MAP1S: variants seen among roughly 807,000 people sequenced by gnomAD.
MAP1S encodes the protein microtubule-associated protein 1S.
MAP1S carries 27 observed loss-of-function variants against 60.9 expected under a neutral mutation model. The ratio of observed to expected loss-of-function variants is 0.44; its 90% confidence interval spans 0.33 to 0.61. The LOEUF (loss-of-function observed/expected upper bound fraction) is 0.61. Ranked by LOEUF, MAP1S falls within the 20% of genes least tolerant of loss-of-function variation. The pLI is 0.03. For missense variants in MAP1S, 1,608 were observed against 1,486.6 expected, an observed-to-expected ratio of 1.08 and a Z score of -1.34; for synonymous variants, 826 against 694.2, an observed-to-expected ratio of 1.19 and a Z score of -2.98.
chr19:17,726,715 G>A lies in MAP1S; in HGVS notation c.1331G>A (p.Gly444Asp), dbSNP rs1261059561. ...GCTPPACLLD[G>D]LVRLQHLRFL... is the part of the protein sequence containing the mutation. ...ACCCCGCCCGCCTGCCTCCTGGACGGCCTGGTCCGCCTGCAGCACTTGAGG... is the reference window on the plus strand; with the variant it reads ...ACCCCGCCCGCCTGCCTCCTGGACGACCTGGTCCGCCTGCAGCACTTGAGG... Residue 444 changes from glycine to aspartate, a missense_variant, in exon 5 of 7, where the codon GGC becomes GAC. Gly to Asp is a moderately conservative substitution (Grantham distance 94, BLOSUM62 -1). Around this residue, in one of 4 missense-constraint regions of MAP1S, gnomAD observed 1,167 missense variants for 961.4 expected, o/e 1.21. Coordinates refer to ENST00000324096, the MANE Select transcript of MAP1S (RefSeq NM_018174.6). 1 of 1,590,426 alleles carries A rather than the reference G, an allele frequency of 6.3e-7. No homozygotes were observed. Among genetic ancestry groups the A allele is most frequent in the Non-Finnish European group, 8.5e-7 (1 of 1,172,120 alleles).
At chr19:17,732,501 C>A (rs2080501488) in intron 5 of MAP1S, among the ~76,000 whole-genome samples, 1 of 152,094 alleles carries the variant, frequency 6.6e-6, no homozygotes, top group Admixed American at 6.6e-5. Flanking sequence ...TGGACAAGGC[C>A]CCCAGAGCTG....
rs996809807 is a variant in MAP1S, at chr19:17,720,890, T to C, written c.119-46T>C. On this transcript the variant is annotated intron_variant, in intron 1 of 6. Coordinates refer to ENST00000324096, the MANE Select transcript of MAP1S (RefSeq NM_018174.6). ...CTAATTATTGAAATATTCTGGGAGC[T>C]GGGGGGCCCGGCTGAACTCCCGCCT... 10 of 1,445,394 alleles carry C rather than the reference T, an allele frequency of 6.9e-6. No homozygotes were observed. The African/African-American group carries it at 1.4e-4, about 20-fold the overall frequency. 89.5% of individuals were successfully genotyped at this position (1,445,394 alleles called of 1,614,324 possible).
At chr19:17,728,437 T>C (rs1458292501) in intron 5 of MAP1S, among the ~76,000 whole-genome samples, 2 of 152,242 alleles carry the variant, frequency 1.3e-5, no homozygotes, top group East Asian at 3.9e-4. Flanking sequence ...TTGGTAGAGA[T>C]AGGGTCTTAC....
Position 17,727,566 on chromosome 19 carries a change from C to G in MAP1S, c.2182C>G (p.Arg728Gly). The stretch of plus-strand genomic sequence containing the variant: ...CCCGCTGCGTGGCCCCCGGGCGCGG[C>G]GCTCGGCTTCCCCACACGATGTGGA... ...SLPLRGPRARRSASPHDVDLC... is the reference protein window; with the variant it reads ...SLPLRGPRARGSASPHDVDLC... Residue 728 changes from arginine (R) to glycine (G), a missense_variant, in exon 5 of 7, where the codon CGC (arginine) becomes GGC (glycine). Physicochemically the swap from Arg to Gly is moderately radical, Grantham distance 125 (BLOSUM62 -2). Transcript: ENST00000324096. This position sits in a 1 kb window ranked among gnomAD's most constrained non-coding sequence, Gnocchi z 4.1. 1 of 1,607,224 alleles carries G rather than the reference C, an allele frequency of 6.2e-7. No individual in the cohort carries two copies. Among genetic ancestry groups the G allele is most frequent in the Non-Finnish European group, 8.5e-7 (1 of 1,179,386 alleles).
At chr19:17,720,227 C>T in intron 1 of MAP1S, 3 of 1,380,874 alleles carry the variant, frequency 2.2e-6, no homozygotes, top group Non-Finnish European at 2.8e-6. Flanking sequence ...GTGATGCGCC[C>T]GTGGGTGGAG....
chr19:17,720,610 T>C, intron 1 of MAP1S: 1 of 1,142,970 alleles, frequency 8.7e-7, no homozygotes, highest in African/African-American at 1.6e-5. Context: ...GGCAGGGGGA[T>C]GGACTTCCAG....
intron 5 of MAP1S, among the ~76,000 whole-genome samples, chr19:17,729,261 C>T (rs2080472051): frequency 6.6e-6 from 1 of 152,112 alleles, no homozygotes; most frequent in South Asian, 2.1e-4. Flanking sequence ...CATGGAAGCT[C>T]ATTAGACACA....
Position 17,726,581 on chromosome 19 carries a change from C to A in MAP1S, c.1197C>A (p.His399Gln). ...GCCGGCTGGACATGTATGTGCTGCA[C>A]CCGCCCTCCGCCGGCGCCGAGCGCA... ...GVGRLDMYVLHPPSAGAERTL... is the reference protein window; with the variant it reads ...GVGRLDMYVLQPPSAGAERTL... Residue 399 changes from histidine to glutamine, a missense_variant, in exon 5 of 7, where the codon CAC becomes CAA. Coordinates refer to ENST00000324096, the MANE Select transcript of MAP1S (RefSeq NM_018174.6). 2 of 1,575,110 alleles carry A rather than the reference C, an allele frequency of 1.3e-6. No individual in the cohort carries two copies. The highest frequency in any genetic ancestry group is 1.7e-6 in the Non-Finnish European group (2 of 1,165,896).
chr19:17,728,120 A>G lies in MAP1S; in HGVS notation c.2736A>G (p.Ala912=), dbSNP rs1400183006. The change falls in exon 5 of 7, where the codon GCA becomes GCG. Residue 912 remains alanine (A), a synonymous_variant. Coordinates refer to ENST00000324096, the MANE Select transcript of MAP1S (RefSeq NM_018174.6). ...AGCCCAGTGAGAAGGGAGGCCGGGC[A>G]CCCCTGTCCAGAAAGTCCTCAACCC... The part of the protein sequence containing the change: ...RSEPSEKGGR[A]PLSRKSSTPK... The G allele has an allele frequency of 1.2e-6, 2 of 1,609,908 alleles. No individual in the cohort carries two copies. The highest frequency in any genetic ancestry group is 1.7e-6 in the Non-Finnish European group (2 of 1,178,196).
At chr19:17,724,511 T>G (rs1378292131) in intron 3 of MAP1S, among the ~76,000 whole-genome samples, 1 of 152,098 alleles carries the variant, frequency 6.6e-6, no homozygotes, top group African/African-American at 2.4e-5. Flanking sequence ...CTCCTGTGGG[T>G]TCCCTCCGGC....
chr19:17,721,478 A>C, intron 2 of MAP1S: 1 of 268,888 alleles, frequency 3.7e-6, no homozygotes. Flanking sequence ...GGAGTTGGAG[A>C]CTAGCCTGGC....
intron 6 of MAP1S, among the ~76,000 whole-genome samples, chr19:17,733,959 G>C (rs573163011): frequency 3.6e-4 from 55 of 152,348 alleles, no homozygotes; most frequent in Non-Finnish European, 6.8e-4. Flanking sequence ...AAAGAGGTTG[G>C]TGTGTTCAAG....
chr19:17,727,861 AC>A lies in MAP1S; in HGVS notation c.2482del (p.Leu828SerfsTer182). On this transcript the variant is annotated frameshift_variant, in exon 5 of 7. Coordinates refer to ENST00000324096, the MANE Select transcript of MAP1S (RefSeq NM_018174.6). LOFTEE classifies it high-confidence loss of function. This position sits in a 1 kb window ranked among gnomAD's most constrained non-coding sequence, Gnocchi z 4.1. ...GTCCCTCGCCACGACCCTTTGCCTGACCCCCTCAAGGTCCCCCCACCACTGC... is the reference window on the plus strand; with the variant it reads ...GTCCCTCGCCACGACCCTTTGCCTGACCCCTCAAGGTCCCCCCACCACTGC... Reference protein sequence around the residue: ...FGVPRHDPLPDPLKVPPPLPD... With the variant: ...FGVPRHDPLPXPLKVPPPLPD... 1 of 1,611,272 alleles carries A rather than the reference AC, an allele frequency of 6.2e-7. No individual in the cohort carries two copies. Among genetic ancestry groups the A allele is most frequent in the South Asian group, 1.1e-5 (1 of 90,956 alleles).
Position 17,734,456 on chromosome 19 carries a change from GC to G in MAP1S, c.*31del, listed in dbSNP as rs2080522000. 1 of 1,585,082 alleles carries G rather than the reference GC, an allele frequency of 6.3e-7. No individual in the cohort carries two copies. Among genetic ancestry groups the G allele is most frequent in the Non-Finnish European group, 8.6e-7 (1 of 1,163,652 alleles). On this transcript the variant is annotated 3_prime_UTR_variant, in exon 7 of 7. Coordinates refer to ENST00000324096, the MANE Select transcript of MAP1S (RefSeq NM_018174.6). ...CCATCGCCGACACGCCCCCCACTCA[GC>G]CCAGCCCGCCTGTCCCTAGATTCAG...
At chr19:17,723,546 C>G (rs1421319503) in intron 2 of MAP1S, among the ~76,000 whole-genome samples, 1 of 132,104 alleles carries the variant, frequency 7.6e-6, no homozygotes, top group Non-Finnish European at 1.6e-5. Flanking sequence ...AAAACTCCGT[C>G]TCAAAAAAAA....
intron 1 of MAP1S, chr19:17,720,486 C>T: frequency 1.3e-6 from 2 of 1,523,532 alleles, no homozygotes; most frequent in South Asian, 2.4e-5. Flanking sequence ...GCTTCCAGCT[C>T]ACATGGTGTC....
At chr19:17,719,683 G>A in intron 1 of MAP1S, 63 bp downstream of exon 1, 3 of 902,946 alleles carry the variant, frequency 3.3e-6, no homozygotes, top group Non-Finnish European at 4.1e-6. Flanking sequence ...GTCTGGGCCC[G>A]GGGCCGGCGG....
At chr19:17,729,081 G>A (rs1397919192) in intron 5 of MAP1S, 1 of 152,182 alleles carries the variant, frequency 6.6e-6, no homozygotes, top group African/African-American at 2.4e-5. Context: ...GATTGGTTAG[G>A]AGGACCCGGC....
At chr19:17,723,824 C>T (rs1024847113) in intron 2 of MAP1S, among the ~76,000 whole-genome samples, 1 of 152,162 alleles carries the variant, frequency 6.6e-6, no homozygotes, top group Admixed American at 6.5e-5. Flanking sequence ...CACTGCCCTC[C>T]AGCCTGGGCG....
Sources: allele counts gnomAD v4.1 joint callset (sites outside exome capture counted in the v4.1 genomes callset), GRCh38; gene constraint gnomAD v4.1.1; regional missense constraint gnomAD v4.1.1; non-coding constraint Gnocchi (gnomAD v3.1); transcripts MANE v1.5; gene names NCBI Gene and HGNC (gene_info 2026-07-23, HGNC 2026-07-21).